The following CIB1 variants were observed in gnomAD, a reference collection of about 807,000 sequenced individuals.
The protein encoded by CIB1 is calcium and integrin binding 1.
Under a neutral mutation model 25.0 loss-of-function variants are expected in CIB1, and 19 were observed. The ratio of observed to expected loss-of-function variants is 0.76; its 90% CI spans 0.53 to 1.12. The LOEUF (loss-of-function observed/expected upper bound fraction) is 1.12. Among genes scored for constraint, CIB1 ranks in the 50% most tolerant of loss-of-function variants. CIB1 has a pLI of 0.00. For missense variants in CIB1, 236 were observed against 242.6 expected (o/e 0.97, Z 0.18); for synonymous variants, 104 against 98.5 (o/e 1.06, Z -0.33).
the CIB1 span, among the ~76,000 whole-genome samples, chr15:90,252,724 T>C: frequency 6.6e-6 from 1 of 152,030 alleles, no homozygotes; most frequent in Non-Finnish European, 1.5e-5. Context: ...CAGGAGCAGC[T>C]GGGCACGGTG....
rs1012588096 is a variant in CIB1, at chr15:90,230,115, A to T, written c.*369T>A. The T allele has an allele frequency of 1.3e-5, 4 of 297,668 alleles. No individual in the cohort carries two copies. Among genetic ancestry groups the T allele is most frequent in the African/African-American group, 8.8e-5 (4 of 45,658 alleles). The allele number at this position is 297,668 out of a possible 1,614,324, so 18.4% of individuals were successfully genotyped here. On this transcript the variant is annotated 3_prime_UTR_variant, in exon 7 of 7. Coordinates refer to ENST00000328649, the MANE Select transcript of CIB1 (RefSeq NM_006384.4). Reference sequence around the variant, plus strand: ...TTCATCCTCACACCCTCCCACGGGGACAGCCAGCGTGGGTGCGGCTTGACT... The same window carrying T: ...TTCATCCTCACACCCTCCCACGGGGTCAGCCAGCGTGGGTGCGGCTTGACT...
the CIB1 span, chr15:90,257,113 C>T: frequency 1.2e-6 from 2 of 1,603,094 alleles, no homozygotes; most frequent in Non-Finnish European, 1.7e-6. Context: ...TGTTATTATT[C>T]CCTCATGGGT....
the CIB1 span, chr15:90,241,471 C>T: frequency 6.2e-7 from 1 of 1,613,750 alleles, no homozygotes; most frequent in Non-Finnish European, 8.5e-7. Context: ...GCACTGAGGG[C>T]AGGGATTGAG....
intron 3 of CIB1, among the ~76,000 whole-genome samples, 182 bp downstream of exon 3, chr15:90,232,037 T>C (rs1962505155): frequency 1.3e-5 from 2 of 152,224 alleles, no homozygotes; most frequent in South Asian, 4.1e-4. Context: ...AGCACCATTC[T>C]AGATAATTCT....
At chr15:90,253,721 T>G in the CIB1 span, among the ~76,000 whole-genome samples, 180 of 152,306 alleles carry the variant, frequency 1.2e-3, no homozygotes, top group Admixed American at 5.3e-3. Context: ...TGATCCAGCC[T>G]TCTAAGCAAC....
chr15:90,251,427 C>A, the CIB1 span: 5 of 1,003,442 alleles, frequency 5.0e-6, no homozygotes, highest in Non-Finnish European at 1.6e-6. Context: ...CCCAGCCCAT[C>A]CTGGTCTGTC....
the CIB1 span, chr15:90,240,799 G>C: frequency 2.7e-6 from 2 of 732,098 alleles, no homozygotes; most frequent in Non-Finnish European, 4.4e-6. Flanking sequence ...GGGTGACAGA[G>C]TGAGACTCCA....
At chr15:90,232,943 C>T (rs1383402480) in intron 2 of CIB1, among the ~76,000 whole-genome samples, 4 of 149,436 alleles carry the variant, frequency 2.7e-5, no homozygotes, top group East Asian at 2.0e-4. Context: ...AAAAAAAAAA[C>T]GGAGAAAAGA....
chr15:90,255,899 G>A, the CIB1 span: 4 of 1,614,146 alleles, frequency 2.5e-6, no homozygotes, highest in African/African-American at 1.3e-5. Context: ...AGTGGGTCTG[G>A]CTTCCCATGC....
At chr15:90,262,222 C>G in the CIB1 span, 2 of 1,494,214 alleles carry the variant, frequency 1.3e-6, no homozygotes, top group Non-Finnish European at 1.8e-6. Context: ...CTCTGCACAC[C>G]TAGGTGGGGA....
chr15:90,251,652 G>A, the CIB1 span: 1 of 1,586,282 alleles, frequency 6.3e-7, no homozygotes, highest in African/African-American at 1.3e-5. Flanking sequence ...TACAGCTGCT[G>A]TTCTTCCTCT....
chr15:90,259,802 G>C, the CIB1 span, among the ~76,000 whole-genome samples: 1 of 152,124 alleles, frequency 6.6e-6, no homozygotes, highest in Non-Finnish European at 1.5e-5. Flanking sequence ...CATCCGTGTT[G>C]GTCACCCATT....
In CIB1 at chr15:90,230,974, C is replaced by CA. The variant is rs778037667; in HGVS notation, c.513dup (p.Glu172Ter). 30 of 1,614,018 alleles carry CA rather than the reference C, an allele frequency of 1.9e-5. No homozygotes were observed. Among genetic ancestry groups the CA allele is most frequent in the Non-Finnish European group, 2.1e-5 (25 of 1,180,022 alleles). ...GAACGGGAGATGACGTGCTGGAACTCAGAGAGGTTGATGGTTCCATCCCTG... is the reference window on the plus strand; with the variant it reads ...GAACGGGAGATGACGTGCTGGAACTCAAGAGAGGTTGATGGTTCCATCCCTG... On this transcript the variant is annotated frameshift_variant, in exon 6 of 7. Coordinates refer to ENST00000328649, the MANE Select transcript of CIB1 (RefSeq NM_006384.4). LOFTEE classifies it high-confidence loss of function.
chr15:90,231,453 CTT>C lies in CIB1; in HGVS notation c.248_249del (p.Lys83ArgfsTer4), dbSNP rs1323557941. On this transcript the variant is annotated frameshift_variant, in exon 4 of 7. Transcript: ENST00000328649. LOFTEE classifies it high-confidence loss of function. ...AGGAAGTCCTCAAAGCTAAGGCTGT[CTT>C]TGGCTGGGGATGTGGAGAAGACCCT... is the stretch of plus-strand genomic sequence containing the variant. ...ICRVFSTSPA[K>X]DSLSFEDFLD... The C allele has an allele frequency of 6.2e-7, 1 of 1,614,120 alleles. No individual in the cohort carries two copies. The highest frequency in any genetic ancestry group is 8.5e-7 in the Non-Finnish European group (1 of 1,180,050).
chr15:90,265,327 C>A, the CIB1 span: 1 of 1,221,558 alleles, frequency 8.2e-7, no homozygotes, highest in South Asian at 1.9e-5. Context: ...GCCGAGTGCC[C>A]AAGGCACTGG....
intron 2 of CIB1, 117 bp downstream of exon 2, chr15:90,233,552 C>A: frequency 7.5e-7 from 1 of 1,327,710 alleles, no homozygotes; most frequent in Non-Finnish European, 1.1e-6. Flanking sequence ...TCCCGGCCTC[C>A]AGCTCCCGCT....
Position 90,233,917 on chromosome 15 carries a change from G to T in CIB1, c.-32C>A. 1 of 1,448,108 alleles carries T rather than the reference G, an allele frequency of 6.9e-7. No homozygotes were observed. The highest frequency in any genetic ancestry group is 9.0e-7 in the Non-Finnish European group (1 of 1,105,484). The allele number at this position is 1,448,108 out of a possible 1,614,324, so 89.7% of individuals were successfully genotyped here. A position where few individuals can be genotyped will look rare whatever the true frequency, so the allele number is the denominator to read the frequency against. On this transcript the variant is annotated 5_prime_UTR_variant, in exon 1 of 7. Transcript: ENST00000328649. ...GCCGCGCGCACAGCTCCGCCAACTC[G>T]CCTCGAGACGCAGACAACTTTCTCA... is the stretch of plus-strand genomic sequence containing the variant.
chr15:90,262,529 CAGG>C, the CIB1 span: 1 of 1,525,206 alleles, frequency 6.6e-7, no homozygotes, highest in South Asian at 1.2e-5. Context: ...GCAGGAACAG[CAGG>C]AGACCTCGGG....
At chr15:90,256,604 T>TCTTC in the CIB1 span, among the ~76,000 whole-genome samples, 3 of 34,706 alleles carry the variant, frequency 8.6e-5, no homozygotes, top group Non-Finnish European at 1.7e-4. Flanking sequence ...TTTCTTTCTT[T>TCTTC]CTTTCCTTCC....
Sources: allele counts gnomAD v4.1 joint callset (sites outside exome capture counted in the v4.1 genomes callset), GRCh38; gene constraint gnomAD v4.1.1; transcripts MANE v1.5; gene names NCBI Gene and HGNC (gene_info 2026-07-23, HGNC 2026-07-21).